The following ESRRG variants were observed in gnomAD, a reference collection of about 807,000 sequenced individuals.
ESRRG encodes the protein estrogen-related receptor gamma.
Under a neutral mutation model 44.0 loss-of-function variants are expected in ESRRG, and 13 were observed. The ratio of observed to expected loss-of-function variants is 0.30; its 90% CI spans 0.19 to 0.47. ESRRG has a LOEUF of 0.47. ESRRG is among the 20% of genes least tolerant of loss of function. The pLI is 1.00. For synonymous variants in ESRRG, 215 were observed against 214.6 expected (o/e 1.00, Z -0.02); for missense variants, 395 against 580.6 (o/e 0.68, Z 3.29).
At chr1:217,024,094 C>T (rs1221985786) in intron 1 of ESRRG, among the ~76,000 whole-genome samples, 1 of 152,212 alleles carries the variant, frequency 6.6e-6, no homozygotes, top group Non-Finnish European at 1.5e-5. Context: ...CACTGTGGCT[C>T]ATGCCTGTAA....
chr1:216,627,754 T>C (rs1429818860), intron 3 of ESRRG, among the ~76,000 whole-genome samples: 2 of 152,234 alleles, frequency 1.3e-5, no homozygotes, highest in Non-Finnish European at 2.9e-5. Flanking sequence ...TTTGTTAGCA[T>C]AGTCTTCTTA....
intron 2 of ESRRG, among the ~76,000 whole-genome samples, chr1:216,747,555 C>T (rs146596427): frequency 6.6e-6 from 1 of 152,276 alleles, no homozygotes; most frequent in African/African-American, 2.4e-5. Flanking sequence ...GAAGGTAGAG[C>T]AACTGGGTAT....
chr1:216,772,112 A>T (rs1373274100), intron 2 of ESRRG, among the ~76,000 whole-genome samples: 1 of 152,114 alleles, frequency 6.6e-6, no homozygotes, highest in Non-Finnish European at 1.5e-5. Context: ...TAAGCAATAC[A>T]GAGTAGAGGG....
At chr1:216,758,560 AT>A (rs971951042) in intron 2 of ESRRG, among the ~76,000 whole-genome samples, 1 of 151,560 alleles carries the variant, frequency 6.6e-6, no homozygotes, top group African/African-American at 2.4e-5. Context: ...CTCCTGGGCA[AT>A]TTTTTTTAAA....
intron 2 of ESRRG, among the ~76,000 whole-genome samples, chr1:216,896,585 G>A (rs1357248501): frequency 6.6e-6 from 1 of 152,064 alleles, no homozygotes; most frequent in Non-Finnish European, 1.5e-5. Context: ...TCTTTAAATC[G>A]CTGAAGCAAA....
At chr1:216,912,232 A>G (rs193282073) in intron 2 of ESRRG, among the ~76,000 whole-genome samples, 1,246 of 62,820 alleles carry the variant, frequency 0.02, 81 homozygotes, top group African/African-American at 0.048. Flanking sequence ...AGAGGAGAGG[A>G]GAGGAGAGGA....
At chr1:217,080,827 G>A (rs146896179) in intron 1 of ESRRG, among the ~76,000 whole-genome samples, 1,945 of 151,904 alleles carry the variant, frequency 0.013, 53 homozygotes, top group Admixed American at 0.062. Context: ...ACAGGCGCCC[G>A]CCATCATGAC....
chr1:216,556,242 G>A (rs1439989450), intron 5 of ESRRG, among the ~76,000 whole-genome samples: 1 of 151,848 alleles, frequency 6.6e-6, no homozygotes, highest in Non-Finnish European at 1.5e-5. Flanking sequence ...AAAAATATAT[G>A]ACCTGGGCCA....
At chr1:216,649,304 T>C (rs2068372429) in intron 3 of ESRRG, among the ~76,000 whole-genome samples, 1 of 152,092 alleles carries the variant, frequency 6.6e-6, no homozygotes, top group Admixed American at 6.6e-5. Context: ...ATGTTAACTC[T>C]GAAAAATCCT....
intron 1 of ESRRG, among the ~76,000 whole-genome samples, chr1:216,946,235 G>C (rs1346200350): frequency 6.6e-6 from 1 of 152,182 alleles, no homozygotes; most frequent in East Asian, 1.9e-4. Flanking sequence ...AGAGACCACA[G>C]TCTTCATGAT....
chr1:216,826,176 A>G, intron 2 of ESRRG, among the ~76,000 whole-genome samples: 1 of 149,748 alleles, frequency 6.7e-6, no homozygotes, highest in African/African-American at 2.4e-5. Context: ...AACCAAGCAA[A>G]TTGTTTAAGG....
intron 2 of ESRRG, among the ~76,000 whole-genome samples, chr1:216,762,350 A>G (rs138291070): frequency 0.12 from 18,640 of 152,084 alleles, 1,348 homozygotes; most frequent in African/African-American, 0.18. Flanking sequence ...TGTGGCGCAT[A>G]TACACTATGG....
At chr1:216,718,756 C>T (rs955172026) in intron 1 of ESRRG, among the ~76,000 whole-genome samples, 2 of 151,956 alleles carry the variant, frequency 1.3e-5, no homozygotes, top group South Asian at 2.1e-4. Flanking sequence ...GGAGCTCATA[C>T]GCACTTATAA....
chr1:216,912,663 A>G (rs1002861831), intron 2 of ESRRG, among the ~76,000 whole-genome samples: 1 of 152,212 alleles, frequency 6.6e-6, no homozygotes, highest in Non-Finnish European at 1.5e-5. Context: ...TACTGATACA[A>G]TAATACTTTA....
intron 5 of ESRRG, among the ~76,000 whole-genome samples, chr1:216,560,166 T>G (rs2058437476): frequency 6.6e-6 from 1 of 152,170 alleles, no homozygotes; most frequent in African/African-American, 2.4e-5. Flanking sequence ...TGTAGTTTTC[T>G]TTTAGAGTTT....
At chr1:217,019,161 G>A (rs1043552633) in intron 1 of ESRRG, among the ~76,000 whole-genome samples, 7 of 152,204 alleles carry the variant, frequency 4.6e-5, no homozygotes, top group African/African-American at 1.7e-4. Context: ...CTATTAAACA[G>A]TCTGGTGCTC....
At chr1:216,944,514 A>G (rs1370152) in intron 1 of ESRRG, among the ~76,000 whole-genome samples, 3,292 of 152,270 alleles carry the variant, frequency 0.022, 119 homozygotes, top group African/African-American at 0.075. Context: ...AATACTATTA[A>G]TGCACCCAAA....
chr1:216,684,511 C>T (rs945000866), intron 1 of ESRRG, among the ~76,000 whole-genome samples: 7 of 152,104 alleles, frequency 4.6e-5, no homozygotes, highest in African/African-American at 1.7e-4. Context: ...CATAATAATG[C>T]CGAGTAATTG....
At chr1:216,779,100 C>CTATATA (rs1253011585) in intron 2 of ESRRG, among the ~76,000 whole-genome samples, 1 of 113,494 alleles carries the variant, frequency 8.8e-6, no homozygotes, top group African/African-American at 3.4e-5. Context: ...GAGGCTTAAA[C>CTATATA]TATATATATA....
Sources: gnomAD v4.1 joint callset for allele counts (sites outside exome capture counted in the v4.1 genomes callset) on GRCh38, gnomAD v4.1.1 for gene constraint, MANE v1.5 for transcripts, NCBI Gene and HGNC (gene_info 2026-07-23, HGNC 2026-07-21) for gene names.